Variants in DPF3 observed in about 807,000 individuals in gnomAD.
DPF3 encodes double PHD fingers 3, also known as zinc finger protein DPF3.
A neutral mutation model predicts 56.8 loss-of-function variants in DPF3; 18 were observed. The ratio of observed to expected loss-of-function variants is 0.32; its 90% confidence interval spans 0.22 to 0.47. The LOEUF (loss-of-function observed/expected upper bound fraction) is 0.47. DPF3 is among the 20% of genes least tolerant of loss of function. The pLI is 1.00. For missense variants in DPF3, 403 were observed against 488.8 expected (o/e 0.82, Z 1.65); for synonymous variants, 188 against 180.2 (o/e 1.04, Z -0.35).
At chr14:72,717,562 T>G (rs1888984339) in intron 5 of DPF3, among the ~76,000 whole-genome samples, 1 of 152,234 alleles carries the variant, frequency 6.6e-6, no homozygotes, top group African/African-American at 2.4e-5. Context: ...CCCAGTTTGA[T>G]TCGAAGGTCC....
In DPF3 at chr14:72,636,445, T is replaced by G. The variant is rs538341547; in HGVS notation, c.872-6709A>C. Among the ~76,000 whole-genome samples, 7 of 152,286 alleles carry G rather than the reference T, an allele frequency of 4.6e-5. No individual in the cohort carries two copies. In the South Asian group the frequency reaches 1.4e-3, roughly 32 times the overall value. ...ATTCTCTCACTCCTCTCTTCTCTCT[T>G]TCTCTTCTCTCCCTCTTCTGTCTCT... On this transcript the variant is annotated intron_variant, in intron 8 of 10. Transcript: ENST00000556509.
rs932729443 is a variant in DPF3 at position 72,854,034 on chromosome 14, C to G, written c.32+40023G>C. ...GAACACATAAACTCATGAAACCAAC[C>G]AATAGACTGGAATCTCTCCTGTTAT... is the stretch of plus-strand genomic sequence containing the variant. On this transcript the variant is annotated intron_variant, in intron 1 of 10. Coordinates refer to ENST00000556509, the MANE Select transcript of DPF3 (RefSeq NM_001280542.3). Among the ~76,000 whole-genome samples, 7 of 152,212 alleles carry G rather than the reference C, an allele frequency of 4.6e-5. No individual in the cohort carries two copies. In the South Asian group the frequency reaches 6.2e-4, roughly 14 times the overall value.
At chr14:72,850,791 G>T (rs557349465) in intron 1 of DPF3, among the ~76,000 whole-genome samples, 2 of 144,090 alleles carry the variant, frequency 1.4e-5, no homozygotes, top group Non-Finnish European at 3.0e-5. Flanking sequence ...CTGGTGGGGC[G>T]TGTGTGCATG....
At chr14:72,814,491 T>C (rs1313297140) in intron 1 of DPF3, among the ~76,000 whole-genome samples, 1 of 152,162 alleles carries the variant, frequency 6.6e-6, no homozygotes, top group African/African-American at 2.4e-5. Context: ...ACTTTTTCAA[T>C]ATTTTAATTC....
At chr14:72,827,926 T>C (rs1198474915) in intron 1 of DPF3, among the ~76,000 whole-genome samples, 1 of 152,120 alleles carries the variant, frequency 6.6e-6, no homozygotes, top group East Asian at 1.9e-4. Flanking sequence ...CATTCTAGCC[T>C]GGGCAACAGA....
chr14:72,766,682 G>A (rs1225639528), intron 2 of DPF3, among the ~76,000 whole-genome samples: 1 of 152,174 alleles, frequency 6.6e-6, no homozygotes, highest in Non-Finnish European at 1.5e-5. Flanking sequence ...GAACTCCTGG[G>A]CTCAAGCAAT....
chr14:72,752,428 C>T (rs914364962), intron 3 of DPF3, among the ~76,000 whole-genome samples: 9 of 152,122 alleles, frequency 5.9e-5, no homozygotes, highest in African/African-American at 2.2e-4. Flanking sequence ...TTTGGGAAGC[C>T]AAGGCAGGCA....
chr14:72,683,618 A>G (rs1253303856), intron 7 of DPF3, among the ~76,000 whole-genome samples: 1 of 152,194 alleles, frequency 6.6e-6, no homozygotes, highest in Non-Finnish European at 1.5e-5. Flanking sequence ...CACGTTAGTC[A>G]GTGGCTCACT....
At position 72,871,521 on chromosome 14, in the gene DPF3, T is replaced by A. The variant is rs149432394; in HGVS notation, c.32+22536A>T. Among the ~76,000 whole-genome samples the A allele has an allele frequency of 3.1e-4, 47 of 152,330 alleles. 1 individual carries two copies. In the East Asian group the frequency reaches 9.1e-3, roughly 29 times the overall value. The stretch of plus-strand genomic sequence containing the variant: ...GTAGGTCTGAAATCCAGCAAGGCAG[T>A]CAAACATTAAAGCTTCAAAATAATC... On this transcript the variant is annotated intron_variant, in intron 1 of 10. Coordinates refer to ENST00000556509, the MANE Select transcript of DPF3 (RefSeq NM_001280542.3).
intron 1 of DPF3, among the ~76,000 whole-genome samples, chr14:72,843,578 G>C (rs955958237): frequency 6.6e-6 from 1 of 152,124 alleles, no homozygotes; most frequent in African/African-American, 2.4e-5. Context: ...GTTTCACTCT[G>C]GTTGCCCAGG....
At chr14:72,664,842 T>C (rs906048314) in intron 8 of DPF3, among the ~76,000 whole-genome samples, 2 of 152,224 alleles carry the variant, frequency 1.3e-5, no homozygotes, top group Admixed American at 6.5e-5. Context: ...ATGAGTGATA[T>C]CACCTTTGCC....
intron 1 of DPF3, among the ~76,000 whole-genome samples, chr14:72,887,243 C>A (rs1298334939): frequency 1.3e-5 from 2 of 151,252 alleles, no homozygotes; most frequent in African/African-American, 4.9e-5. Flanking sequence ...AGTCTTTTAA[C>A]CACCAAAAAC....
At chr14:72,793,656 C>A (rs1892528560) in intron 1 of DPF3, among the ~76,000 whole-genome samples, 1 of 152,196 alleles carries the variant, frequency 6.6e-6, no homozygotes, top group Non-Finnish European at 1.5e-5. Flanking sequence ...TGTAGAGCAT[C>A]CAAAGATGGG....
intron 8 of DPF3, among the ~76,000 whole-genome samples, chr14:72,645,757 G>C (rs1885704777): frequency 6.6e-6 from 1 of 151,900 alleles, no homozygotes; most frequent in South Asian, 2.1e-4. Flanking sequence ...CCACAGAAAA[G>C]TATTTGCCAC....
At chr14:72,672,592 C>T (rs1305133674) in intron 8 of DPF3, among the ~76,000 whole-genome samples, 1 of 152,168 alleles carries the variant, frequency 6.6e-6, no homozygotes, top group Non-Finnish European at 1.5e-5. Flanking sequence ...GAAAATGGCT[C>T]CCTGAGCCAC....
Position 72,612,993 on chromosome 14 carries a change from C to CGTGTGTGT in DPF3, c.*6296_*6303dup, listed in dbSNP as rs59321921. On this transcript the variant is annotated 3_prime_UTR_variant, in exon 11 of 11. Transcript: ENST00000556509. ...TTTCCCTTTGGTTCATTAAGTAGGGCGTGTGTGTGTGTGTGTGTGTGTGTG... is the reference window on the plus strand; with the variant it reads ...TTTCCCTTTGGTTCATTAAGTAGGGCGTGTGTGTGTGTGTGTGTGTGTGTGTGTGTGTG... Among the ~76,000 whole-genome samples, 8,859 of 148,840 alleles carry CGTGTGTGT rather than the reference C, an allele frequency of 0.06. 306 individuals are homozygous for CGTGTGTGT. The highest frequency in any genetic ancestry group is 0.084 in the East Asian group (416 of 4,930).
At chr14:72,661,858 T>C (rs1334652446) in intron 8 of DPF3, 1 of 183,116 alleles carries the variant, frequency 5.5e-6, no homozygotes, top group Non-Finnish European at 6.9e-6. Flanking sequence ...TTTTTGCTTT[T>C]TTTTTTTTTT....
At chr14:72,759,574 A>C (rs1890983928) in intron 2 of DPF3, among the ~76,000 whole-genome samples, 1 of 141,264 alleles carries the variant, frequency 7.1e-6, no homozygotes, top group Admixed American at 7.3e-5. Context: ...GAAGGGAGAG[A>C]GGGAAGAAAG....
intron 5 of DPF3, among the ~76,000 whole-genome samples, chr14:72,722,872 C>T (rs1889238411): frequency 6.6e-6 from 1 of 152,138 alleles, no homozygotes; most frequent in Non-Finnish European, 1.5e-5. Flanking sequence ...GTTTTTTCCC[C>T]TCTGCCCTTC....
Sources: gnomAD v4.1 joint callset for allele counts (sites outside exome capture counted in the v4.1 genomes callset) on GRCh38, gnomAD v4.1.1 for gene constraint, MANE v1.5 for transcripts, NCBI Gene and HGNC (gene_info 2026-07-23, HGNC 2026-07-21) for gene names.